Variants in UBASH3B observed in about 807,000 individuals in gnomAD.
The protein encoded by UBASH3B is ubiquitin associated and SH3 domain containing B, also known as ubiquitin-associated and SH3 domain-containing protein B.
UBASH3B carries 37 observed loss-of-function variants against 83.4 expected under a neutral mutation model. That is an observed-to-expected ratio of 0.44 (90% CI 0.34 to 0.58). The LOEUF (loss-of-function observed/expected upper bound fraction) is 0.58, where lower values mean the gene tolerates loss of function less well. Ranked by LOEUF, UBASH3B falls within the 20% of genes least tolerant of loss-of-function variation. The pLI, the probability that UBASH3B is intolerant of heterozygous loss-of-function variation, is 0.01. For missense variants in UBASH3B, 657 were observed against 827.2 expected (o/e 0.79, Z 2.52); for synonymous variants, 304 against 318.3 (o/e 0.96, Z 0.48).
Position 122,810,494 on chromosome 11 carries a change from G to C in UBASH3B, c.*608G>C, listed in dbSNP as rs2135198161. ...GGATGCTAACATTTACCCTGGTACT[G>C]CCACATTTTCTCTAGAGCAGCTGGC... is the stretch of plus-strand genomic sequence containing the variant. On this transcript the variant is annotated 3_prime_UTR_variant, in exon 14 of 14. Coordinates refer to ENST00000284273, the MANE Select transcript of UBASH3B (RefSeq NM_032873.5). The C allele has an allele frequency of 6.5e-6, 1 of 152,702 alleles. No individual in the cohort carries two copies. Among genetic ancestry groups the C allele is most frequent in the East Asian group, 1.9e-4 (1 of 5,184 alleles). 9.5% of individuals were successfully genotyped at this position (152,702 alleles called of 1,614,324 possible).
At chr11:122,733,628 A>G (rs1247445266) in intron 1 of UBASH3B, among the ~76,000 whole-genome samples, 1 of 152,220 alleles carries the variant, frequency 6.6e-6, no homozygotes, top group South Asian at 2.1e-4. Context: ...TGATGTATTC[A>G]TTCCACACAT....
intron 1 of UBASH3B, among the ~76,000 whole-genome samples, chr11:122,713,522 G>A (rs1412874528): frequency 2.0e-5 from 3 of 152,150 alleles, no homozygotes; most frequent in South Asian, 4.1e-4. Context: ...TCTTAGGAGT[G>A]TGTGTGATTT....
intron 1 of UBASH3B, among the ~76,000 whole-genome samples, chr11:122,726,906 A>T (rs1335042502): frequency 1.3e-5 from 2 of 152,228 alleles, no homozygotes; most frequent in East Asian, 3.8e-4. Context: ...TTTCACATTG[A>T]TCAACCGTTT....
intron 1 of UBASH3B, among the ~76,000 whole-genome samples, chr11:122,721,897 G>A (rs1228100797): frequency 6.6e-6 from 1 of 152,012 alleles, no homozygotes; most frequent in Non-Finnish European, 1.5e-5. Flanking sequence ...GCAGAGAGAG[G>A]CTTCTTTTTC....
chr11:122,772,822 G>A (rs760418562), intron 1 of UBASH3B, among the ~76,000 whole-genome samples: 5 of 152,272 alleles, frequency 3.3e-5, no homozygotes, highest in African/African-American at 4.8e-5. Context: ...TCCATCCTTA[G>A]TAGGCAGGAG....
chr11:122,694,432 T>C (rs1863935197), intron 1 of UBASH3B, among the ~76,000 whole-genome samples: 1 of 152,184 alleles, frequency 6.6e-6, no homozygotes, highest in Non-Finnish European at 1.5e-5. Flanking sequence ...TGGTGGCACA[T>C]GCCTGTAGTC....
intron 1 of UBASH3B, among the ~76,000 whole-genome samples, chr11:122,680,611 G>A (rs767993740): frequency 3.3e-5 from 5 of 152,182 alleles, no homozygotes; most frequent in Non-Finnish European, 7.3e-5. Context: ...TTACAGGCAT[G>A]TGCCACCATG....
At chr11:122,780,084 T>C (rs1330187821) in intron 4 of UBASH3B, among the ~76,000 whole-genome samples, 2 of 152,190 alleles carry the variant, frequency 1.3e-5, no homozygotes, top group Non-Finnish European at 2.9e-5. Context: ...CTGGGTCTCA[T>C]TGTTCACTCC....
chr11:122,735,690 G>A (rs1377080789), intron 1 of UBASH3B, among the ~76,000 whole-genome samples: 1 of 152,200 alleles, frequency 6.6e-6, no homozygotes, highest in African/African-American at 2.4e-5. Context: ...ACATAGAAAA[G>A]TATGTAGAAG....
intron 1 of UBASH3B, among the ~76,000 whole-genome samples, chr11:122,691,326 T>C (rs1863893233): frequency 6.6e-6 from 1 of 152,262 alleles, no homozygotes; most frequent in South Asian, 2.1e-4. Context: ...TATTTGAAGC[T>C]GGCTTTTGTA....
At chr11:122,786,487 T>C (rs1657472242) in intron 5 of UBASH3B, among the ~76,000 whole-genome samples, 1 of 152,028 alleles carries the variant, frequency 6.6e-6, no homozygotes, top group African/African-American at 2.4e-5. Context: ...TGAAACCTCG[T>C]CTCTACTAAA....
At chr11:122,711,652 G>T (rs1441104449) in intron 1 of UBASH3B, among the ~76,000 whole-genome samples, 2 of 152,198 alleles carry the variant, frequency 1.3e-5, no homozygotes, top group Admixed American at 6.5e-5. Context: ...TGTGTAACGG[G>T]CACAGGTGCA....
chr11:122,802,313 G>GAAAAA (rs147011358), intron 11 of UBASH3B, among the ~76,000 whole-genome samples: 1 of 66,220 alleles, frequency 1.5e-5, no homozygotes, highest in Non-Finnish European at 3.1e-5. Context: ...GACTCTGTCT[G>GAAAAA]AAAAAAAAAA....
chr11:122,738,367 G>A (rs1036088735), intron 1 of UBASH3B, among the ~76,000 whole-genome samples: 2 of 152,242 alleles, frequency 1.3e-5, no homozygotes, highest in Admixed American at 1.3e-4. Context: ...AAGTGCAATT[G>A]AGCACTTGAG....
intron 1 of UBASH3B, among the ~76,000 whole-genome samples, chr11:122,716,750 CCTGT>C (rs1243998207): frequency 6.6e-6 from 1 of 152,152 alleles, no homozygotes; most frequent in Non-Finnish European, 1.5e-5. Context: ...CTGTAAAATT[CCTGT>C]CTAAGGAGTC....
intron 1 of UBASH3B, among the ~76,000 whole-genome samples, chr11:122,728,305 G>A (rs1187691909): frequency 1.3e-5 from 2 of 152,156 alleles, no homozygotes; most frequent in African/African-American, 2.4e-5. Flanking sequence ...ATGCTACTTG[G>A]GAGATACTCC....
chr11:122,719,122 A>T lies in UBASH3B; in HGVS notation c.162-57097A>T, dbSNP rs182144179. Among the ~76,000 whole-genome samples the T allele has an allele frequency of 6.6e-5, 10 of 152,364 alleles. No homozygotes were observed. The East Asian group carries it at 1.9e-3, about 29-fold the overall frequency. On this transcript the variant is annotated intron_variant, in intron 1 of 13. Transcript: ENST00000284273. ...TAAGCATGATTACGTTAGATTGGTG[A>T]TGGGTATTCTTACACTGCCAATTTA...
At chr11:122,752,376 G>C (rs1340884878) in intron 1 of UBASH3B, among the ~76,000 whole-genome samples, 1 of 152,252 alleles carries the variant, frequency 6.6e-6, no homozygotes, top group East Asian at 1.9e-4. Context: ...TGGGCATTAA[G>C]AATGATAGGG....
chr11:122,805,657 C>T (rs1054407854), intron 11 of UBASH3B, among the ~76,000 whole-genome samples: 10 of 152,166 alleles, frequency 6.6e-5, no homozygotes, highest in African/African-American at 2.4e-4. Context: ...CAGGAAAGAC[C>T]TGCCCCCATG....
Sources: allele counts gnomAD v4.1 joint callset (sites outside exome capture counted in the v4.1 genomes callset), GRCh38; gene constraint gnomAD v4.1.1; transcripts MANE v1.5; gene names NCBI Gene and HGNC (gene_info 2026-07-23, HGNC 2026-07-21).